ZFPM2: variants seen among roughly 807,000 people sequenced by gnomAD.
ZFPM2 encodes zinc finger protein, FOG family member 2.
In ZFPM2, 20 loss-of-function variants were observed where a neutral mutation model predicts 98.6. That is an observed-to-expected ratio of 0.20 (90% CI 0.14 to 0.29). ZFPM2 has a LOEUF of 0.29. ZFPM2 is among the 10% of genes least tolerant of loss of function. ZFPM2 has a pLI of 1.00. For synonymous variants in ZFPM2, 518 were observed against 502.7 expected (o/e 1.03, Z -0.41); for missense variants, 1,310 against 1,388.6 (o/e 0.94, Z 0.90).
intron 5 of ZFPM2, among the ~76,000 whole-genome samples, chr8:105,661,843 T>C (rs1817394780): frequency 6.6e-6 from 1 of 152,196 alleles, no homozygotes; most frequent in Admixed American, 6.5e-5. Flanking sequence ...TGTAATGCAG[T>C]ATTCAATGGG....
At chr8:105,349,841 A>G (rs754654666) in intron 1 of ZFPM2, among the ~76,000 whole-genome samples, 13 of 152,324 alleles carry the variant, frequency 8.5e-5, no homozygotes, top group Admixed American at 3.9e-4. Context: ...TTGTGATTAT[A>G]ACTGGAAATA....
At chr8:105,788,678 C>T (rs778709549) in intron 5 of ZFPM2, 40 bp from the exon 6 acceptor site, 2 of 1,593,044 alleles carry the variant, frequency 1.3e-6, no homozygotes, top group Non-Finnish European at 1.7e-6. Context: ...ACTCAAGCAT[C>T]CTATGTCAAT....
intron 4 of ZFPM2, among the ~76,000 whole-genome samples, chr8:105,624,848 T>C (rs564520026): frequency 3.3e-5 from 5 of 152,292 alleles, no homozygotes; most frequent in African/African-American, 1.2e-4. Flanking sequence ...TTCATAGAGA[T>C]AAAACTGTCT....
At chr8:105,393,215 A>G (rs1251040227) in intron 1 of ZFPM2, among the ~76,000 whole-genome samples, 1 of 152,136 alleles carries the variant, frequency 6.6e-6, no homozygotes, top group Non-Finnish European at 1.5e-5. Context: ...ATGCCGTTGG[A>G]AGTGTGGCTG....
chr8:105,582,636 C>T (rs556372853), intron 4 of ZFPM2, among the ~76,000 whole-genome samples: 1 of 152,256 alleles, frequency 6.6e-6, no homozygotes, highest in Admixed American at 6.5e-5. Flanking sequence ...ACTCTGTGCC[C>T]AGGCCAGAGT....
chr8:105,790,824 G>A (rs905552688), intron 6 of ZFPM2, among the ~76,000 whole-genome samples: 2 of 152,064 alleles, frequency 1.3e-5, no homozygotes, highest in South Asian at 2.1e-4. Flanking sequence ...CTTGTAAGTT[G>A]GATTCCTAAG....
intron 5 of ZFPM2, among the ~76,000 whole-genome samples, chr8:105,687,038 C>T (rs1424253433): frequency 6.6e-6 from 1 of 152,068 alleles, no homozygotes; most frequent in African/African-American, 2.4e-5. Context: ...ATGTTTTTAC[C>T]AGTGAAATGC....
intron 1 of ZFPM2, among the ~76,000 whole-genome samples, chr8:105,407,673 T>C (rs1474795461): frequency 1.3e-5 from 2 of 151,962 alleles, no homozygotes; most frequent in African/African-American, 4.8e-5. Flanking sequence ...GAGAGGGCTA[T>C]TGGTTGAGTA....
Position 105,617,020 on chromosome 8 carries a change from G to GA in ZFPM2, c.421-17186dup, listed in dbSNP as rs773023421. ...GGACTACTGAGCAAGACTCTGTCTCGAAAAAAAAAAAAAAAAAAAAAAAAA... is the reference window on the plus strand; with the variant it reads ...GGACTACTGAGCAAGACTCTGTCTCGAAAAAAAAAAAAAAAAAAAAAAAAAA... On this transcript the variant is annotated intron_variant, in intron 4 of 7. Coordinates refer to ENST00000407775, the MANE Select transcript of ZFPM2 (RefSeq NM_012082.4). Among the ~76,000 whole-genome samples the GA allele has an allele frequency of 5.5e-3, 155 of 28,134 alleles. 37 individuals are homozygous for GA. Among genetic ancestry groups the GA allele is most frequent in the East Asian group, 0.019 (10 of 520 alleles). The allele number at this position is 28,134 out of a possible 152,430, so 18.5% of individuals were successfully genotyped here.
At chr8:105,415,703 T>G (rs1172738703) in intron 1 of ZFPM2, among the ~76,000 whole-genome samples, 2 of 152,118 alleles carry the variant, frequency 1.3e-5, no homozygotes, top group Admixed American at 1.3e-4. Context: ...TAAAGAAACA[T>G]GCAATGTAGA....
intron 3 of ZFPM2, among the ~76,000 whole-genome samples, chr8:105,457,360 G>C (rs1812612845): frequency 6.6e-6 from 1 of 152,070 alleles, no homozygotes. Flanking sequence ...CCTGCACCTT[G>C]GTAGACCTAC....
At chr8:105,615,705 TAG>T (rs1235659271) in intron 4 of ZFPM2, among the ~76,000 whole-genome samples, 1 of 152,152 alleles carries the variant, frequency 6.6e-6, no homozygotes, top group Non-Finnish European at 1.5e-5. Context: ...CATGAAAACT[TAG>T]AGTCAGAAGG....
intron 4 of ZFPM2, among the ~76,000 whole-genome samples, chr8:105,592,528 A>G (rs1815872065): frequency 1.3e-5 from 2 of 152,142 alleles, no homozygotes; most frequent in African/African-American, 4.8e-5. Flanking sequence ...CTAAGGATAA[A>G]TAGACTGTGG....
At chr8:105,616,810 G>C (rs1478986519) in intron 4 of ZFPM2, 1 of 210,664 alleles carries the variant, frequency 4.7e-6, no homozygotes, top group East Asian at 1.5e-4. Context: ...CTAGGACCAG[G>C]AGTTTGAGAC....
intron 3 of ZFPM2, among the ~76,000 whole-genome samples, chr8:105,554,895 G>A (rs1231397578): frequency 6.6e-6 from 1 of 151,942 alleles, no homozygotes; most frequent in Non-Finnish European, 1.5e-5. Context: ...TTCTAAAGAG[G>A]CATCAAAAAG....
rs372431089 is a variant in ZFPM2 at position 105,802,368 on chromosome 8, C to G, written c.2286C>G (p.Asp762Glu). 2 of 1,613,638 alleles carry G rather than the reference C, an allele frequency of 1.2e-6. No individual in the cohort carries two copies. The highest frequency in any genetic ancestry group is 1.7e-6 in the Non-Finnish European group (2 of 1,179,842). Residue 762 changes from aspartate to glutamate, a missense_variant, in exon 8 of 8, where the codon GAC becomes GAG. Transcript: ENST00000407775. ...CACTGGTTCAGCAGAGATTTCTTGA[C>G]GTAGCCAACCTCAATAATCCTTGTA... ...RPPLVQQRFL[D>E]VANLNNPCTS...
At chr8:105,778,499 T>C (rs1173951192) in intron 5 of ZFPM2, among the ~76,000 whole-genome samples, 3 of 151,680 alleles carry the variant, frequency 2.0e-5, no homozygotes, top group East Asian at 1.9e-4. Context: ...CGTGTGTGTG[T>C]GTGTGTGTGC....
At position 105,526,651 on chromosome 8, in the gene ZFPM2, C is replaced by T. The variant is rs114428071; in HGVS notation, c.302-34712C>T. Among the ~76,000 whole-genome samples, 618 of 152,224 alleles carry T rather than the reference C, an allele frequency of 4.1e-3. 3 individuals carry two copies. The highest frequency in any genetic ancestry group is 0.014 in the African/African-American group (574 of 41,552). On this transcript the variant is annotated intron_variant, in intron 3 of 7. Transcript: ENST00000407775. ...TAAAATGGAGAAAATCAGTATCCAA[C>T]AAGCCACACGGTTGGGTAAAACGCT...
At chr8:105,390,051 A>T (rs1376890483) in intron 1 of ZFPM2, among the ~76,000 whole-genome samples, 1 of 152,176 alleles carries the variant, frequency 6.6e-6, no homozygotes, top group East Asian at 1.9e-4. Context: ...ATTTGTATTT[A>T]ACTAGTCTCA....
Sources: allele counts gnomAD v4.1 joint callset (sites outside exome capture counted in the v4.1 genomes callset), GRCh38; gene constraint gnomAD v4.1.1; transcripts MANE v1.5; gene names NCBI Gene and HGNC (gene_info 2026-07-23, HGNC 2026-07-21).